MED12L: variants seen among roughly 807,000 people sequenced by gnomAD.
The protein encoded by MED12L is mediator of RNA polymerase II transcription subunit 12-like protein.
A neutral mutation model predicts 281.3 loss-of-function variants in MED12L; 60 were observed. That is an observed-to-expected ratio of 0.21 (90% CI 0.17 to 0.26). The LOEUF is 0.26. MED12L is among the 10% of genes least tolerant of loss of function. The probability of loss-of-function intolerance (pLI) is 1.00; values close to 1 mark genes in which losing one functional copy is unlikely to be tolerated. For missense variants in MED12L, 2,146 were observed against 2,680.9 expected (o/e 0.80, Z 4.41); for synonymous variants, 974 against 987.2 (o/e 0.99, Z 0.25).
chr3:151,140,998 G>A (rs1716852322), intron 5 of MED12L, among the ~76,000 whole-genome samples: 1 of 152,032 alleles, frequency 6.6e-6, no homozygotes, highest in East Asian at 1.9e-4. Flanking sequence ...CTCCCGAGTA[G>A]CTGGGACTAC....
rs181591439 is a variant in MED12L, at chr3:151,359,031, G to A, written c.2826-1443G>A. On this transcript the variant is annotated intron_variant, in intron 20 of 44. Transcript: ENST00000687756. Reference sequence around the variant, plus strand: ...TTCAGGTTATGATTGAAACCATCAGGAAGTGAGCATAGTACTCAGTAGGTA... The same window carrying A: ...TTCAGGTTATGATTGAAACCATCAGAAAGTGAGCATAGTACTCAGTAGGTA... 3.6e-3 allele frequency among the ~76,000 whole-genome samples: 542 copies of A among 152,224 alleles called. 4 individuals carry two copies. The highest frequency in any genetic ancestry group is 0.013 in the African/African-American group (523 of 41,542).
At chr3:151,368,079 T>C (rs1755509896) in intron 24 of MED12L, 71 bp from the exon 25 acceptor site, 4 of 1,220,606 alleles carry the variant, frequency 3.3e-6, no homozygotes, top group Non-Finnish European at 4.7e-6. Context: ...GAAATTTAGC[T>C]TAATAGGAAA....
chr3:151,315,479 C>A (rs1383037107), intron 16 of MED12L, among the ~76,000 whole-genome samples: 1 of 152,098 alleles, frequency 6.6e-6, no homozygotes, highest in East Asian at 1.9e-4. Flanking sequence ...TAGGCTGTAT[C>A]CTTAAATATG....
intron 23 of MED12L, among the ~76,000 whole-genome samples, 196 bp from the exon 24 acceptor site, chr3:151,367,450 G>A (rs1755424038): frequency 6.6e-6 from 1 of 152,142 alleles, no homozygotes. Flanking sequence ...TGGAATGTGG[G>A]TAAACCTCAT....
At chr3:151,405,304 G>C (rs1716166422) in intron 39 of MED12L, among the ~76,000 whole-genome samples, 1 of 152,178 alleles carries the variant, frequency 6.6e-6, no homozygotes, top group African/African-American at 2.4e-5. Flanking sequence ...ATGTAGAGAT[G>C]GGCTTATACA....
At position 151,378,811 on chromosome 3, in the gene MED12L, A is replaced by T. The variant is rs113496227; in HGVS notation, c.4478+638A>T. Reference sequence around the variant, plus strand: ...CTTCCATTAAAAAAATATTTTAAGCACATAGATTTCTTGTCCACTAATGAA... The same window carrying T: ...CTTCCATTAAAAAAATATTTTAAGCTCATAGATTTCTTGTCCACTAATGAA... On this transcript the variant is annotated intron_variant, in intron 31 of 44. Transcript: ENST00000687756. Among the ~76,000 whole-genome samples, 891 of 152,362 alleles carry T rather than the reference A, an allele frequency of 5.8e-3. 7 individuals carry two copies. The highest frequency in any genetic ancestry group is 0.023 in the South Asian group (113 of 4,828).
chr3:151,101,637 A>G (rs1267076626), intron 2 of MED12L, among the ~76,000 whole-genome samples: 1 of 135,340 alleles, frequency 7.4e-6, no homozygotes, highest in Non-Finnish European at 1.6e-5. Flanking sequence ...GCTGGAAGGG[A>G]GGAGGAGGGG....
chr3:151,421,642 C>T (rs1286243888), intron 43 of MED12L, among the ~76,000 whole-genome samples: 2 of 152,144 alleles, frequency 1.3e-5, no homozygotes, highest in East Asian at 3.9e-4. Flanking sequence ...CTCCTGACCT[C>T]AAGTGATCCA....
intron 44 of MED12L, among the ~76,000 whole-genome samples, chr3:151,431,630 T>C (rs1209645497): frequency 1.3e-5 from 2 of 152,208 alleles, no homozygotes; most frequent in Non-Finnish European, 2.9e-5. Context: ...TCCTTATTCT[T>C]ATAGAAAATA....
intron 5 of MED12L, among the ~76,000 whole-genome samples, chr3:151,139,709 T>C (rs1560086069): frequency 6.6e-6 from 1 of 152,124 alleles, no homozygotes; most frequent in Non-Finnish European, 1.5e-5. Flanking sequence ...AGGAAGCCAG[T>C]GGGTAATGCT....
intron 16 of MED12L, among the ~76,000 whole-genome samples, chr3:151,197,308 C>T (rs776790366): frequency 1.3e-5 from 2 of 152,284 alleles, no homozygotes; most frequent in Middle Eastern, 3.4e-3. Flanking sequence ...AGATTACAGG[C>T]GTGCACTATC....
chr3:151,190,910 G>C lies in MED12L; in HGVS notation c.1947G>C (p.Lys649Asn), dbSNP rs777430544. 5.0e-6 allele frequency: 8 copies of C among 1,614,062 alleles called. No homozygotes were observed. In the South Asian group the frequency reaches 7.7e-5, roughly 16 times the overall value. ...VGENADEHYS[K>N]DHDVKMEEQS... Reference sequence around the variant, plus strand: ...AAAATGCAGATGAACACTATTCAAAGGACCATGATGTGAAAATGGAGGTAT... The same window carrying C: ...AAAATGCAGATGAACACTATTCAAACGACCATGATGTGAAAATGGAGGTAT... The change falls in exon 14 of 45, where the codon AAG (lysine) becomes AAC (asparagine). Residue 649 changes from lysine to asparagine, a missense_variant. Physicochemically the swap from Lys to Asn is moderately conservative, Grantham distance 94 (BLOSUM62 0). Coordinates refer to ENST00000687756, the MANE Select transcript of MED12L (RefSeq NM_001393769.1).
intron 16 of MED12L, among the ~76,000 whole-genome samples, chr3:151,215,375 ATC>A (rs1727999364): frequency 6.6e-6 from 1 of 152,208 alleles, no homozygotes. Context: ...AATGTAAAAT[ATC>A]TCAGTATTTT....
intron 11 of MED12L, among the ~76,000 whole-genome samples, chr3:151,175,420 T>A (rs1410811623): frequency 2.0e-5 from 3 of 152,244 alleles, no homozygotes; most frequent in South Asian, 2.1e-4. Context: ...TTTTTAATTT[T>A]AAAAAACGTT....
At chr3:151,353,968 C>T (rs12485537) in intron 17 of MED12L, among the ~76,000 whole-genome samples, 42,568 of 149,384 alleles carry the variant, frequency 0.28, 6,184 homozygotes, top group South Asian at 0.31. Flanking sequence ...GGTGAAACCC[C>T]GTCTCTACTA....
intron 16 of MED12L, chr3:151,212,561 C>T (rs1397124521): frequency 6.6e-6 from 1 of 151,960 alleles, no homozygotes; most frequent in East Asian, 1.9e-4. Context: ...TTTAGTTTCT[C>T]TCAGTAAAGC....
chr3:151,335,060 A>G (rs1055297411), intron 16 of MED12L, among the ~76,000 whole-genome samples: 1 of 152,182 alleles, frequency 6.6e-6, no homozygotes, highest in African/African-American at 2.4e-5. Flanking sequence ...ATTTCATGTA[A>G]GTATACAATG....
At chr3:151,264,217 T>C (rs1739424396) in intron 16 of MED12L, among the ~76,000 whole-genome samples, 1 of 152,232 alleles carries the variant, frequency 6.6e-6, no homozygotes, top group Non-Finnish European at 1.5e-5. Context: ...TTGAAGGTTG[T>C]GTTTTGAGGT....
chr3:151,192,853 G>C (rs1231520), intron 15 of MED12L, among the ~76,000 whole-genome samples, 199 bp downstream of exon 15: 141,908 of 152,228 alleles, frequency 0.93, 66,235 homozygotes, highest in African/African-American at 0.96. Flanking sequence ...TCTGTAAATT[G>C]GAACACTCCT....
Sources: allele counts gnomAD v4.1 joint callset (sites outside exome capture counted in the v4.1 genomes callset), GRCh38; gene constraint gnomAD v4.1.1; transcripts MANE v1.5; gene names NCBI Gene and HGNC (gene_info 2026-07-23, HGNC 2026-07-21).